DISP1: variants seen among roughly 807,000 people sequenced by gnomAD.
The protein encoded by DISP1 is protein dispatched homolog 1.
A neutral mutation model predicts 37.3 loss-of-function variants in DISP1; 30 were observed. That is an observed-to-expected ratio of 0.80 (90% CI 0.60 to 1.09). The LOEUF is 1.09. DISP1 is among the 50% of genes least tolerant of loss of function. The probability of loss-of-function intolerance (pLI) is 0.00; values close to 1 mark genes in which losing one functional copy is unlikely to be tolerated. For synonymous variants in DISP1, 634 were observed against 690.2 expected (o/e 0.92, Z 1.28); for missense variants, 1,598 against 1,879.5 (o/e 0.85, Z 2.77).
intron 3 of DISP1, among the ~76,000 whole-genome samples, chr1:222,959,677 G>A (rs146888809): frequency 0.012 from 1,619 of 137,074 alleles, 31 homozygotes; most frequent in African/African-American, 0.042. Flanking sequence ...TCCAGCCTGG[G>A]CAACAAGAGC....
chr1:222,911,960 A>G (rs745695006), intron 1 of DISP1, among the ~76,000 whole-genome samples: 20 of 152,216 alleles, frequency 1.3e-4, no homozygotes, highest in Non-Finnish European at 2.4e-4. Flanking sequence ...GGAAGAGATT[A>G]TAATGAGGGA....
intron 1 of DISP1, among the ~76,000 whole-genome samples, chr1:222,853,954 CATCTG>C (rs1245400473): frequency 6.6e-6 from 1 of 152,190 alleles, no homozygotes; most frequent in Non-Finnish European, 1.5e-5. Flanking sequence ...TAACTACCCT[CATCTG>C]ATCATTATAT....
intron 3 of DISP1, among the ~76,000 whole-genome samples, chr1:222,968,750 A>G (rs776434436): frequency 7.2e-5 from 11 of 151,948 alleles, no homozygotes; most frequent in Non-Finnish European, 1.5e-4. Flanking sequence ...CCTGGCCAAC[A>G]TGGTGACACC....
At chr1:222,820,750 A>C (rs61838114) in intron 1 of DISP1, among the ~76,000 whole-genome samples, 29,016 of 152,116 alleles carry the variant, frequency 0.19, 3,394 homozygotes, top group Non-Finnish European at 0.24. Context: ...CCTACCGTAC[A>C]TAGTCATTAT....
At chr1:222,922,649 A>G (rs1672870067) in intron 1 of DISP1, among the ~76,000 whole-genome samples, 1 of 152,164 alleles carries the variant, frequency 6.6e-6, no homozygotes, top group South Asian at 2.1e-4. Context: ...TTTTAAATTG[A>G]GTTTGAGCTG....
intron 2 of DISP1, among the ~76,000 whole-genome samples, chr1:222,936,586 A>G (rs1423604141): frequency 5.4e-5 from 1 of 18,358 alleles, no homozygotes; most frequent in Non-Finnish European, 1.1e-4. Context: ...TATCATATAT[A>G]TGAGAGATAT....
At chr1:222,992,899 T>G (rs2102751307) in intron 7 of DISP1, among the ~76,000 whole-genome samples, 1 of 109,926 alleles carries the variant, frequency 9.1e-6, no homozygotes, top group South Asian at 2.9e-4. Context: ...TTCGCTCTTG[T>G]TGCCCAGGCT....
chr1:222,887,480 G>GTTTTT (rs1670661811), intron 1 of DISP1, among the ~76,000 whole-genome samples: 1 of 96,424 alleles, frequency 1.0e-5, no homozygotes, highest in African/African-American at 3.8e-5. Context: ...ATGTCACATT[G>GTTTTT]TTTTTGTTTT....
rs748442304 is a variant in DISP1, at chr1:223,005,661, G to A, written c.4264G>A (p.Val1422Met). ...AAGGGAACTCTGTAAAAATAGAGAC[G>A]TGAGCAATCTGGAGAGCAGTGGAGG... ...KQRELCKNRD[V>M]SNLESSGGTE... The change falls in exon 9 of 9, where the codon GTG becomes ATG. Residue 1422 changes from valine to methionine, a missense_variant. Transcript: ENST00000675850. 14 of 1,613,974 alleles carry A rather than the reference G, an allele frequency of 8.7e-6. No homozygotes were observed. The East Asian group carries it at 1.3e-4, about 15-fold the overall frequency.
chr1:222,891,901 G>A (rs1670964907), intron 1 of DISP1, among the ~76,000 whole-genome samples: 1 of 151,966 alleles, frequency 6.6e-6, no homozygotes, highest in Non-Finnish European at 1.5e-5. Flanking sequence ...TGAAGGGAAG[G>A]TGATACAGGG....
intron 1 of DISP1, among the ~76,000 whole-genome samples, chr1:222,907,061 GTAAA>G (rs1218021967): frequency 1.3e-5 from 2 of 152,180 alleles, no homozygotes; most frequent in African/African-American, 2.4e-5. Flanking sequence ...GAATGAATGA[GTAAA>G]TAAATAAGGA....
At chr1:222,983,523 A>G (rs2246703) in intron 4 of DISP1, among the ~76,000 whole-genome samples, 138,862 of 152,058 alleles carry the variant, frequency 0.91, 64,706 homozygotes, top group East Asian at 1. Flanking sequence ...AGGCTGAGGC[A>G]GGAGAATCGC....
chr1:222,857,516 C>A (rs1037407491), intron 1 of DISP1, among the ~76,000 whole-genome samples: 2 of 152,056 alleles, frequency 1.3e-5, no homozygotes, highest in African/African-American at 2.4e-5. Flanking sequence ...TGACATGATC[C>A]TATATCTAGA....
In DISP1 at chr1:222,936,733, TAA is replaced by T. The variant is rs1218395834; in HGVS notation, c.-17-6070_-17-6069del. On this transcript the variant is annotated intron_variant, in intron 2 of 8. Coordinates refer to ENST00000675850, the MANE Select transcript of DISP1 (RefSeq NM_001377229.1). ...TATTATATATCATATATATGATATATAAAAATTATATATCATATATATGATAT... is the reference window on the plus strand; with the variant it reads ...TATTATATATCATATATATGATATATAAATTATATATCATATATATGATAT... Among the ~76,000 whole-genome samples the T allele has an allele frequency of 1.0e-3, 104 of 99,296 alleles. 1 individual carries two copies. The highest frequency in any genetic ancestry group is 4.0e-3 in the African/African-American group (99 of 24,712). 65.1% of individuals were successfully genotyped at this position (99,296 alleles called of 152,430 possible).
chr1:223,005,734 C>G lies in DISP1; in HGVS notation c.4337C>G (p.Thr1446Arg). The G allele has an allele frequency of 6.2e-7, 1 of 1,614,014 alleles. No individual in the cohort carries two copies. Among genetic ancestry groups the G allele is most frequent in the Admixed American group, 1.7e-5 (1 of 59,986 alleles). ...GGKVELSLSQ[T>R]DASVNSEHFN... ...AAAGTGGAGCTGAGCTTGTCACAGACGGATGCAAGTGTGAACTCAGAACAT... is the reference window on the plus strand; with the variant it reads ...AAAGTGGAGCTGAGCTTGTCACAGAGGGATGCAAGTGTGAACTCAGAACAT... The change falls in exon 9 of 9, where the codon ACG (threonine) becomes AGG (arginine). Residue 1446 changes from threonine to arginine, a missense_variant. By Grantham distance (71) the Thr-to-Arg change is moderately conservative. Coordinates refer to ENST00000675850, the MANE Select transcript of DISP1 (RefSeq NM_001377229.1).
chr1:222,964,425 A>G (rs1334092134), intron 3 of DISP1, among the ~76,000 whole-genome samples: 1 of 152,228 alleles, frequency 6.6e-6, no homozygotes, highest in Non-Finnish European at 1.5e-5. Context: ...CTGTGCAAAC[A>G]CAAGAGAATG....
At position 222,893,218 on chromosome 1, in the gene DISP1, C is replaced by CT. The variant is rs1431960287; in HGVS notation, c.-158-35209dup. 2.0e-5 allele frequency among the ~76,000 whole-genome samples: 3 copies of CT among 152,116 alleles called. No individual in the cohort carries two copies. Among genetic ancestry groups the CT allele is most frequent in the Admixed American group, 6.5e-5 (1 of 15,272 alleles). On this transcript the variant is annotated intron_variant, in intron 1 of 8. Transcript: ENST00000675850. This position sits in a 1 kb window ranked among gnomAD's most constrained non-coding sequence, Gnocchi z 4.3. The stretch of plus-strand genomic sequence containing the variant: ...TTTTGTGTTAAGAAAACTACTAAAA[C>CT]TTTAGTGGTTTTCTATTAAATGGAT...
chr1:222,983,738 A>C (rs1227005002), intron 4 of DISP1, among the ~76,000 whole-genome samples: 1 of 152,194 alleles, frequency 6.6e-6, no homozygotes, highest in Non-Finnish European at 1.5e-5. Context: ...CCATGACTCG[A>C]ATTCATGGCA....
Position 222,984,435 on chromosome 1 carries a change from T to TATATATATATATATAGAGAGAG in DISP1, c.539+1327_539+1328insTATATATATATATAGAGAGAGA, listed in dbSNP as rs67660273. ...AAAAAAAAAAAAATATATATATATA[T>TATATATATATATATAGAGAGAG]AGAGAGAGAGAGAGAGAGAGAGAGC... On this transcript the variant is annotated intron_variant, in intron 4 of 8. Coordinates refer to ENST00000675850, the MANE Select transcript of DISP1 (RefSeq NM_001377229.1). Among the ~76,000 whole-genome samples, 15 of 108,370 alleles carry TATATATATATATATAGAGAGAG rather than the reference T, an allele frequency of 1.4e-4. No homozygotes were observed. In the East Asian group the frequency reaches 2.6e-3, roughly 19 times the overall value. 71.1% of individuals were successfully genotyped at this position (108,370 alleles called of 152,430 possible). A position where few individuals can be genotyped will look rare whatever the true frequency, so the allele number is the denominator to read the frequency against.
Sources: allele counts gnomAD v4.1 joint callset (sites outside exome capture counted in the v4.1 genomes callset), GRCh38; gene constraint gnomAD v4.1.1; non-coding constraint Gnocchi (gnomAD v3.1); transcripts MANE v1.5; gene names NCBI Gene and HGNC (gene_info 2026-07-23, HGNC 2026-07-21).